The following PTPRF variants were observed in gnomAD, a reference collection of about 807,000 sequenced individuals.
The protein encoded by PTPRF is receptor-type tyrosine-protein phosphatase F.
Under a neutral mutation model 201.8 loss-of-function variants are expected in PTPRF, and 59 were observed. The ratio of observed to expected loss-of-function variants is 0.29; its 90% CI spans 0.24 to 0.36. The LOEUF (loss-of-function observed/expected upper bound fraction) is 0.36, where lower values mean the gene tolerates loss of function less well. PTPRF is among the 10% of genes least tolerant of loss of function. The pLI is 1.00. For synonymous variants in PTPRF, 1,088 were observed against 1,089.7 expected (o/e 1.00, Z 0.03); for missense variants, 2,132 against 2,690.5 (o/e 0.79, Z 4.59).
chr1:43,620,119 A>G lies in PTPRF; in HGVS notation c.5136A>G (p.Thr1712=), dbSNP rs143019283. Reference sequence around the variant, plus strand: ...GACAGCAGAAGGCCTACATAGCTACACAGGGGCCTCTGGCAGAGAGCACCG... The same window carrying G: ...GACAGCAGAAGGCCTACATAGCTACGCAGGGGCCTCTGGCAGAGAGCACCG... ...GYRQQKAYIA[T]QGPLAESTED... The change falls in exon 30 of 34, where the codon ACA becomes ACG. Residue 1712 remains threonine, a synonymous_variant. Transcript: ENST00000359947. 19 of 1,614,098 alleles carry G rather than the reference A, an allele frequency of 1.2e-5. No homozygotes were observed. Among genetic ancestry groups the G allele is most frequent in the South Asian group, 5.5e-5 (5 of 91,090 alleles).
At position 43,605,402 on chromosome 1, in the gene PTPRF, C is replaced by T. The variant is rs199683329; in HGVS notation, c.3348C>T (p.Phe1116=). 102 of 1,613,610 alleles carry T rather than the reference C, an allele frequency of 6.3e-5. No homozygotes were observed. Among genetic ancestry groups the T allele is most frequent in the African/African-American group, 9.3e-5 (7 of 75,056 alleles). Residue 1116 remains phenylalanine (F), a synonymous_variant, in exon 18 of 34, where the codon TTC becomes TTT. Coordinates refer to ENST00000359947, the MANE Select transcript of PTPRF (RefSeq NM_002840.5). ...PASAYIEDGR[F]DLSMPHVQDP... is the part of the protein sequence containing the mutation. ...CTGCCTACATAGAGGACGGCCGCTT[C>T]GATCTCTCCATGCCCCATGTGCAAG...
At chr1:43,594,567 C>A (rs894986368) in intron 11 of PTPRF, among the ~76,000 whole-genome samples, 1 of 151,980 alleles carries the variant, frequency 6.6e-6, no homozygotes, top group African/African-American at 2.4e-5. Context: ...GGCTTTGTAG[C>A]GGTCCAGGGA....
At chr1:43,615,691 C>T (rs901885325) in intron 23 of PTPRF, among the ~76,000 whole-genome samples, 9 of 151,666 alleles carry the variant, frequency 5.9e-5, no homozygotes, top group East Asian at 1.9e-4. Context: ...CTCAGCCTCC[C>T]GAGTAGCTGG....
Position 43,578,945 on chromosome 1 carries a change from C to G in PTPRF, c.679+25C>G, listed in dbSNP as rs762764539. The G allele has an allele frequency of 1.2e-5, 19 of 1,603,196 alleles. No homozygotes were observed. The East Asian group carries it at 3.6e-4, about 30-fold the overall frequency. ...GGTAAGGACTCAGGCAGTGCCTGGC[C>G]CCTGTCACCACAGAGCTGTGCTGCA... On this transcript the variant is annotated intron_variant, in intron 7 of 33. Transcript: ENST00000359947.
At chr1:43,556,875 C>T (rs759053751) in intron 5 of PTPRF, among the ~76,000 whole-genome samples, 3 of 152,202 alleles carry the variant, frequency 2.0e-5, no homozygotes, top group Non-Finnish European at 4.4e-5. Flanking sequence ...TGGCATCATC[C>T]GGGTGATGCA....
At chr1:43,571,415 C>T (rs1250180486) in intron 6 of PTPRF, among the ~76,000 whole-genome samples, 2 of 152,214 alleles carry the variant, frequency 1.3e-5, no homozygotes, top group Non-Finnish European at 2.9e-5. Context: ...TTAGTCTTTC[C>T]AGCCCAAACC....
chr1:43,588,984 C>T lies in PTPRF; in HGVS notation c.933C>T (p.Ala311=). Residue 311 remains alanine (A), a synonymous_variant, in exon 8 of 34, where the codon GCC becomes GCT. Coordinates refer to ENST00000359947, the MANE Select transcript of PTPRF (RefSeq NM_002840.5). The surrounding 1 kb of genome is among the most constrained non-coding windows in gnomAD (Gnocchi z 5.3). ...CGCTGGGCATGATCGAGGCCACAGCCCAGGTCACAGTGAAAGGTGAGTGTG... is the reference window on the plus strand; with the variant it reads ...CGCTGGGCATGATCGAGGCCACAGCTCAGGTCACAGTGAAAGGTGAGTGTG... ...ISSLGMIEAT[A]QVTVKALPKP... is the part of the protein sequence containing the mutation. 2 of 1,557,176 alleles carry T rather than the reference C, an allele frequency of 1.3e-6. No homozygotes were observed. The highest frequency in any genetic ancestry group is 1.7e-6 in the Non-Finnish European group (2 of 1,145,760).
intron 5 of PTPRF, among the ~76,000 whole-genome samples, chr1:43,561,558 C>T (rs1242009426): frequency 1.3e-5 from 2 of 152,074 alleles, no homozygotes; most frequent in Non-Finnish European, 2.9e-5. Context: ...TAGAAGTGGC[C>T]CCAGAACCTG....
intron 6 of PTPRF, chr1:43,575,896 A>C: frequency 7.3e-7 from 1 of 1,361,670 alleles, no homozygotes; most frequent in Non-Finnish European, 9.8e-7. Flanking sequence ...TTTGCATTCA[A>C]ATTACCTCGC....
chr1:43,615,382 A>C (rs1657511061), intron 23 of PTPRF, among the ~76,000 whole-genome samples: 1 of 151,594 alleles, frequency 6.6e-6, no homozygotes. Flanking sequence ...CTGCTTCCCC[A>C]TCTGGGCTCG....
Position 43,569,661 on chromosome 1 carries a change from A to C in PTPRF, c.451A>C (p.Thr151Pro), listed in dbSNP as rs1646436497. Reference protein sequence around the residue: ...PQLKVVEKARTATMLCAAGGN... With the variant: ...PQLKVVEKARPATMLCAAGGN... ...GCTGAAGGTGGTGGAGAAGGCACGC[A>C]CAGCCACCATGCTATGTGCCGCAGG... The change falls in exon 6 of 34, where the codon ACA (threonine) becomes CCA (proline). Residue 151 changes from threonine to proline, a missense_variant. Coordinates refer to ENST00000359947, the MANE Select transcript of PTPRF (RefSeq NM_002840.5). 1.2e-6 allele frequency: 2 copies of C among 1,613,994 alleles called. No homozygotes were observed. The highest frequency in any genetic ancestry group is 1.7e-6 in the Non-Finnish European group (2 of 1,179,904).
Position 43,588,689 on chromosome 1 carries a change from G to C in PTPRF, c.680-42G>C. 1 of 1,605,442 alleles carries C rather than the reference G, an allele frequency of 6.2e-7. No individual in the cohort carries two copies. Among genetic ancestry groups the C allele is most frequent in the Non-Finnish European group, 8.5e-7 (1 of 1,177,486 alleles). Reference sequence around the variant, plus strand: ...CCCCTGCCCTTCCATGCAGTCGTGTGTCCTGCCCGGCCTGTGAGTGCCTCT... The same window carrying C: ...CCCCTGCCCTTCCATGCAGTCGTGTCTCCTGCCCGGCCTGTGAGTGCCTCT... On this transcript the variant is annotated intron_variant, in intron 7 of 33. Transcript: ENST00000359947. This position sits in a 1 kb window ranked among gnomAD's most constrained non-coding sequence, Gnocchi z 5.3.
At chr1:43,614,013 G>A (rs963193548) in intron 23 of PTPRF, among the ~76,000 whole-genome samples, 1 of 152,212 alleles carries the variant, frequency 6.6e-6, no homozygotes, top group Non-Finnish European at 1.5e-5. Flanking sequence ...CTCACAGGCA[G>A]ACACAAGGCC....
intron 31 of PTPRF, 72 bp from the exon 32 acceptor site, chr1:43,620,766 C>A: frequency 6.4e-7 from 1 of 1,563,398 alleles, no homozygotes; most frequent in South Asian, 1.2e-5. Flanking sequence ...CATGGTACTA[C>A]CCTGGTCTAG....
chr1:43,617,729 T>G lies in PTPRF; in HGVS notation c.4196-7T>G. 6.2e-7 allele frequency: 1 copy of G among 1,610,978 alleles called. No homozygotes were observed. On this transcript the variant is annotated splice_polypyrimidine_tract_variant and splice_region_variant and intron_variant, in intron 24 of 33. Transcript: ENST00000359947. ...TAATGCCCTCCCACCTCCTTTCTTA[T>G]CCATAGGCGTCCCCGGGAGTGACTA...
chr1:43,598,541 C>T (rs1028028466), intron 12 of PTPRF, 179 bp from the exon 13 acceptor site: 14 of 627,522 alleles, frequency 2.2e-5, no homozygotes, highest in East Asian at 5.7e-5. Context: ...GGCTCTTACC[C>T]GTGGCGGGCA....
At chr1:43,551,414 C>T (rs1206458199) in intron 3 of PTPRF, among the ~76,000 whole-genome samples, 1 of 152,096 alleles carries the variant, frequency 6.6e-6, no homozygotes, top group African/African-American at 2.4e-5. Flanking sequence ...CTGGAGCCTC[C>T]TTCAAAGGGC....
chr1:43,573,953 A>G lies in PTPRF; in HGVS notation c.568+4175A>G, dbSNP rs568321778. On this transcript the variant is annotated intron_variant, in intron 6 of 33. Coordinates refer to ENST00000359947, the MANE Select transcript of PTPRF (RefSeq NM_002840.5). The stretch of plus-strand genomic sequence containing the variant: ...CTACTTGTAAATATCAGAGAACCTC[A>G]AAGAGGGTTTGCTTGTGTGGGTTCT... Among the ~76,000 whole-genome samples the G allele has an allele frequency of 8.5e-5, 10 of 117,074 alleles. No individual in the cohort carries two copies. The South Asian group carries it at 2.9e-3, about 34-fold the overall frequency. 76.8% of individuals were successfully genotyped at this position (117,074 alleles called of 152,430 possible).
intron 25 of PTPRF, 104 bp downstream of exon 25, chr1:43,618,015 T>TCA (rs774413891): frequency 5.1e-5 from 63 of 1,234,112 alleles, no homozygotes; most frequent in Non-Finnish European, 3.8e-5. Flanking sequence ...AGGAAGTCGC[T>TCA]CAAGTGATCC....
Sources: gnomAD v4.1 joint callset for allele counts (sites outside exome capture counted in the v4.1 genomes callset) on GRCh38, gnomAD v4.1.1 for gene constraint, Gnocchi (gnomAD v3.1) non-coding constraint, MANE v1.5 for transcripts, NCBI Gene and HGNC (gene_info 2026-07-23, HGNC 2026-07-21) for gene names.